SLC14A2: variants seen among roughly 807,000 people sequenced by gnomAD.
The protein encoded by SLC14A2 is urea transporter 2.
Under a neutral mutation model 104.6 loss-of-function variants are expected in SLC14A2, and 91 were observed. The observed-to-expected ratio is 0.87, with a 90% CI of 0.73 to 1.04. SLC14A2 has a LOEUF of 1.04. Ranked by LOEUF, SLC14A2 falls within the 50% of genes least tolerant of loss-of-function variation. The pLI is 0.00. For synonymous variants in SLC14A2, 476 were observed against 466.4 expected (o/e 1.02, Z -0.27); for missense variants, 1,189 against 1,156.0 (o/e 1.03, Z -0.41).
intron 2 of SLC14A2, among the ~76,000 whole-genome samples, chr18:45,582,086 G>T (rs1282379767): frequency 6.6e-6 from 1 of 152,098 alleles, no homozygotes; most frequent in Non-Finnish European, 1.5e-5. Context: ...AAAGAGAAAA[G>T]GTCTAAATGA....
At chr18:45,445,753 T>C (rs1052177171) in intron 1 of SLC14A2, among the ~76,000 whole-genome samples, 1 of 152,204 alleles carries the variant, frequency 6.6e-6, no homozygotes, top group Non-Finnish European at 1.5e-5. Flanking sequence ...GGCAGTTGCC[T>C]TTATGGCATG....
At chr18:45,432,111 C>CT (rs1275985130) in intron 1 of SLC14A2, among the ~76,000 whole-genome samples, 3 of 152,124 alleles carry the variant, frequency 2.0e-5, no homozygotes, top group Non-Finnish European at 2.9e-5. Flanking sequence ...TTCTTAGTCA[C>CT]TATTTGTTTT....
At chr18:45,295,676 C>A in intron 1 of SLC14A2, among the ~76,000 whole-genome samples, 1 of 152,160 alleles carries the variant, frequency 6.6e-6, no homozygotes, top group East Asian at 1.9e-4. Flanking sequence ...TTTTACAGGC[C>A]TTATCTATCT....
intron 1 of SLC14A2, among the ~76,000 whole-genome samples, chr18:45,347,416 T>C (rs187160263): frequency 1.3e-5 from 2 of 152,354 alleles, no homozygotes; most frequent in African/African-American, 2.4e-5. Context: ...TTGATTCATG[T>C]TCATAGTATG....
intron 2 of SLC14A2, among the ~76,000 whole-genome samples, chr18:45,560,537 T>C (rs1221771364): frequency 2.6e-5 from 4 of 152,072 alleles, no homozygotes; most frequent in Non-Finnish European, 5.9e-5. Context: ...ATTCCAGATA[T>C]CTCCCCTACC....
intron 4 of SLC14A2, among the ~76,000 whole-genome samples, chr18:45,627,838 C>T (rs879376150): frequency 2.0e-5 from 3 of 151,842 alleles, no homozygotes; most frequent in Non-Finnish European, 2.9e-5. Flanking sequence ...GGTGAAACCC[C>T]GTCTCTACTA....
At position 45,587,397 on chromosome 18, in the gene SLC14A2, C is replaced by T. The variant is rs148553449; in HGVS notation, c.-34-37234C>T. 2.7e-4 allele frequency among the ~76,000 whole-genome samples: 41 copies of T among 152,288 alleles called. 1 individual carries two copies. Among genetic ancestry groups the T allele is most frequent in the African/African-American group, 9.4e-4 (39 of 41,562 alleles). On this transcript the variant is annotated intron_variant, in intron 2 of 20. Coordinates refer to the SLC14A2 transcript ENST00000586448. Reference sequence around the variant, plus strand: ...ACATCAACACCAGGGTTGAGAACCCCGTTCCAGGATACTTTTTGGGGCATA... The same window carrying T: ...ACATCAACACCAGGGTTGAGAACCCTGTTCCAGGATACTTTTTGGGGCATA...
the SLC14A2 span, among the ~76,000 whole-genome samples, chr18:45,174,360 A>G: frequency 6.6e-6 from 1 of 151,950 alleles, no homozygotes; most frequent in African/African-American, 2.4e-5. Context: ...CTCCTCGACA[A>G]TTTCCCTCAA....
chr18:45,205,828 A>G, the SLC14A2 span, among the ~76,000 whole-genome samples: 2 of 152,224 alleles, frequency 1.3e-5, no homozygotes, highest in African/African-American at 2.4e-5. Flanking sequence ...CATTTACCCT[A>G]TGTGAATCCC....
At chr18:45,679,056 A>T in intron 19 of SLC14A2, 32 bp downstream of exon 19, 2 of 1,604,246 alleles carry the variant, frequency 1.2e-6, no homozygotes, top group Non-Finnish European at 1.7e-6. Context: ...ACGTGCCTAC[A>T]ACATCCTTCC....
At chr18:45,511,853 G>T (rs755593039) in intron 2 of SLC14A2, among the ~76,000 whole-genome samples, 10 of 152,202 alleles carry the variant, frequency 6.6e-5, no homozygotes, top group Admixed American at 1.3e-4. Flanking sequence ...ATACCACATA[G>T]GGTTCAAGCC....
intron 2 of SLC14A2, among the ~76,000 whole-genome samples, chr18:45,549,151 T>C (rs747932913): frequency 6.6e-6 from 1 of 152,222 alleles, no homozygotes; most frequent in Non-Finnish European, 1.5e-5. Flanking sequence ...GGACTGGCAA[T>C]GTGACCACAA....
chr18:45,426,875 G>C (rs535862477), intron 1 of SLC14A2, among the ~76,000 whole-genome samples: 1 of 151,928 alleles, frequency 6.6e-6, no homozygotes, highest in South Asian at 2.1e-4. Context: ...GCCCCTTCTC[G>C]GCCAATTCTG....
chr18:45,650,867 G>A (rs189647248), intron 10 of SLC14A2, among the ~76,000 whole-genome samples: 1 of 152,018 alleles, frequency 6.6e-6, no homozygotes, highest in Admixed American at 6.6e-5. Flanking sequence ...AGCCTCTTGA[G>A]TAGCTGGCAT....
intron 2 of SLC14A2, among the ~76,000 whole-genome samples, chr18:45,563,122 C>A (rs182756778): frequency 4.3e-4 from 66 of 152,318 alleles, no homozygotes; most frequent in African/African-American, 1.5e-3. Context: ...AAGGTTTGGG[C>A]CCTCTGAGGC....
chr18:45,310,432 C>T (rs1383668679), intron 1 of SLC14A2, among the ~76,000 whole-genome samples: 2 of 152,152 alleles, frequency 1.3e-5, no homozygotes, highest in African/African-American at 4.8e-5. Flanking sequence ...TTTATATTAG[C>T]ATGTAGAAAA....
intron 1 of SLC14A2, among the ~76,000 whole-genome samples, chr18:45,305,734 T>C (rs945023243): frequency 3.3e-5 from 5 of 152,202 alleles, no homozygotes; most frequent in Non-Finnish European, 7.3e-5. Flanking sequence ...CTTCTCAGCC[T>C]TATTATTGTT....
At chr18:45,654,928 GC>G (rs2045807290) in intron 10 of SLC14A2, among the ~76,000 whole-genome samples, 1 of 152,154 alleles carries the variant, frequency 6.6e-6, no homozygotes, top group African/African-American at 2.4e-5. Context: ...GCTGAGTTGG[GC>G]CTCTGGGATG....
chr18:45,336,293 C>T (rs1396944240), intron 1 of SLC14A2, among the ~76,000 whole-genome samples: 1 of 152,128 alleles, frequency 6.6e-6, no homozygotes, highest in Non-Finnish European at 1.5e-5. Flanking sequence ...GTCCTCTGGG[C>T]AGTAGCCTAA....
Sources: gnomAD v4.1 joint callset for allele counts (sites outside exome capture counted in the v4.1 genomes callset) on GRCh38, gnomAD v4.1.1 for gene constraint, MANE v1.5 for transcripts, NCBI Gene and HGNC (gene_info 2026-07-23, HGNC 2026-07-21) for gene names.